The following DRD3 variants were observed in gnomAD, a reference collection of about 807,000 sequenced individuals.
DRD3 encodes the protein dopamine receptor D3.
In DRD3, 19 loss-of-function variants were observed where a neutral mutation model predicts 36.3. The ratio of observed to expected loss-of-function variants is 0.52; its 90% CI spans 0.36 to 0.77. The LOEUF is 0.77. Ranked by LOEUF, DRD3 falls within the 30% of genes least tolerant of loss-of-function variation. The pLI is 0.00. For synonymous variants in DRD3, 195 were observed against 203.7 expected, an observed-to-expected ratio of 0.96 and a Z score of 0.36; for missense variants, 465 against 505.3, an observed-to-expected ratio of 0.92 and a Z score of 0.77.
intron 1 of DRD3, among the ~76,000 whole-genome samples, chr3:114,190,152 G>C (rs1282889352): frequency 6.6e-6 from 1 of 151,744 alleles, no homozygotes; most frequent in Non-Finnish European, 1.5e-5. Context: ...AACTCTAGGG[G>C]AGCAACTAAT....
chr3:114,157,857 C>T (rs1164684551), intron 3 of DRD3, among the ~76,000 whole-genome samples: 1 of 152,138 alleles, frequency 6.6e-6, no homozygotes, highest in Non-Finnish European at 1.5e-5. Flanking sequence ...AATCCCAGCA[C>T]TTTGGGAGTT....
chr3:114,174,757 T>C (rs965959591), intron 1 of DRD3, among the ~76,000 whole-genome samples: 3 of 151,682 alleles, frequency 2.0e-5, no homozygotes, highest in Non-Finnish European at 4.4e-5. Flanking sequence ...ATTTTTTTTT[T>C]TTTTTTCAAA....
intron 2 of DRD3, among the ~76,000 whole-genome samples, chr3:114,160,450 A>G (rs2077722214): frequency 6.6e-6 from 1 of 152,074 alleles, no homozygotes; most frequent in East Asian, 1.9e-4. Context: ...TATACATACC[A>G]AGGTTTGAGA....
intron 3 of DRD3, among the ~76,000 whole-genome samples, chr3:114,157,472 TCA>T (rs1411177764): frequency 3.9e-5 from 6 of 152,158 alleles, no homozygotes; most frequent in African/African-American, 7.2e-5. Context: ...ACAGTCTGAT[TCA>T]GTCACCCTTG....
chr3:114,128,697 T>C lies in DRD3; in HGVS notation c.*19A>G, dbSNP rs947948860. 6.4e-7 allele frequency: 1 copy of C among 1,567,590 alleles called. No homozygotes were observed. Among genetic ancestry groups the C allele is most frequent in the Non-Finnish European group, 8.7e-7 (1 of 1,154,890 alleles). The stretch of plus-strand genomic sequence containing the variant: ...GGCAGCTAGAAATGGGTACAAAGAG[T>C]GTTCCCTCTTCTGCTCCCTCAGCAA... On this transcript the variant is annotated 3_prime_UTR_variant, in exon 7 of 7. Transcript: ENST00000383673.
intron 3 of DRD3, among the ~76,000 whole-genome samples, chr3:114,148,805 CA>C (rs1559987382): frequency 6.6e-6 from 1 of 152,118 alleles, no homozygotes; most frequent in Non-Finnish European, 1.5e-5. Context: ...CTCTGTCTCC[CA>C]GGTTCAAGCA....
intron 3 of DRD3, among the ~76,000 whole-genome samples, chr3:114,151,158 T>C (rs2107851987): frequency 6.6e-6 from 1 of 152,246 alleles, no homozygotes; most frequent in South Asian, 2.1e-4. Context: ...GGCCTCTGAC[T>C]CTCCTCAGAG....
intron 4 of DRD3, among the ~76,000 whole-genome samples, chr3:114,143,816 T>C (rs2077547927): frequency 6.6e-6 from 1 of 152,250 alleles, no homozygotes; most frequent in South Asian, 2.1e-4. Flanking sequence ...TTCTTAACTT[T>C]AAGTTTCTCC....
At chr3:114,172,351 G>A (rs763716972) in intron 1 of DRD3, among the ~76,000 whole-genome samples, 2 of 152,200 alleles carry the variant, frequency 1.3e-5, no homozygotes, top group African/African-American at 2.4e-5. Context: ...ATGTGAGTGA[G>A]TATCTGAGTA....
At chr3:114,164,881 AGCTGGATTATAG>A (rs2077768671) in intron 2 of DRD3, among the ~76,000 whole-genome samples, 2 of 152,058 alleles carry the variant, frequency 1.3e-5, no homozygotes, top group Non-Finnish European at 1.5e-5. Context: ...CCTCCCAAGT[AGCTGGATTATAG>A]GCTCATGCCA....
intron 1 of DRD3, among the ~76,000 whole-genome samples, chr3:114,188,392 A>G (rs1358987325): frequency 1.3e-5 from 2 of 151,936 alleles, no homozygotes; most frequent in African/African-American, 4.8e-5. Context: ...TTGTATTTTT[A>G]GTAGAGATGG....
chr3:114,193,095 C>T (rs1400971881), intron 1 of DRD3, among the ~76,000 whole-genome samples: 6 of 151,814 alleles, frequency 4.0e-5, no homozygotes, highest in Non-Finnish European at 7.4e-5. Flanking sequence ...CTGGCTAACA[C>T]GGTGAAACCC....
intron 3 of DRD3, among the ~76,000 whole-genome samples, chr3:114,152,870 G>A (rs1279428018): frequency 6.6e-6 from 1 of 152,266 alleles, no homozygotes; most frequent in Non-Finnish European, 1.5e-5. Context: ...GGCCGGGAGA[G>A]AGAGGCTTGG....
At chr3:114,160,895 AC>A (rs1191184598) in intron 2 of DRD3, among the ~76,000 whole-genome samples, 3 of 152,110 alleles carry the variant, frequency 2.0e-5, no homozygotes, top group African/African-American at 4.8e-5. Flanking sequence ...ATCTATCTAT[AC>A]ATGTATTTCA....
chr3:114,173,927 C>T (rs1027510020), intron 1 of DRD3, among the ~76,000 whole-genome samples: 2 of 151,952 alleles, frequency 1.3e-5, no homozygotes, highest in Admixed American at 6.6e-5. Flanking sequence ...ATTAGGAGAC[C>T]GGCCTAATCA....
chr3:114,179,068 CT>C (rs752070197), upstream of DRD3: 25 of 152,244 alleles, frequency 1.6e-4, no homozygotes, highest in Non-Finnish European at 2.4e-4. Flanking sequence ...GGATACTGTG[CT>C]TTTTAGTACA....
intron 6 of DRD3, among the ~76,000 whole-genome samples, chr3:114,130,100 A>G (rs1234303516): frequency 6.6e-6 from 1 of 152,030 alleles, no homozygotes; most frequent in African/African-American, 2.4e-5. Context: ...ACAAATAAAA[A>G]TTAAAAAAAT....
At chr3:114,165,872 T>C (rs774469522) in intron 2 of DRD3, among the ~76,000 whole-genome samples, 11 of 152,142 alleles carry the variant, frequency 7.2e-5, no homozygotes, top group Non-Finnish European at 1.3e-4. Context: ...AGCAGATGAC[T>C]AGCTGGTTGC....
intron 1 of DRD3, among the ~76,000 whole-genome samples, chr3:114,199,038 C>T (rs1178890938): frequency 1.3e-5 from 2 of 152,116 alleles, no homozygotes; most frequent in East Asian, 3.8e-4. Flanking sequence ...AACCACTATG[C>T]CTAGCAAAAA....
Sources: allele counts gnomAD v4.1 joint callset (sites outside exome capture counted in the v4.1 genomes callset), GRCh38; gene constraint gnomAD v4.1.1; transcripts MANE v1.5; gene names NCBI Gene and HGNC (gene_info 2026-07-23, HGNC 2026-07-21).